Variants in RNF138 observed in about 807,000 individuals in gnomAD.
The protein encoded by RNF138 is ring finger protein 138.
RNF138 carries 12 observed loss-of-function variants against 31.0 expected under a neutral mutation model. The observed-to-expected ratio is 0.39, with a 90% CI of 0.25 to 0.63. The LOEUF (loss-of-function observed/expected upper bound fraction) is 0.63. RNF138 is among the 20% of genes least tolerant of loss of function. The pLI is 0.52. For synonymous variants in RNF138, 105 were observed against 99.5 expected, an observed-to-expected ratio of 1.06 and a Z score of -0.33; for missense variants, 192 against 300.1, an observed-to-expected ratio of 0.64 and a Z score of 2.66.
intron 2 of RNF138, among the ~76,000 whole-genome samples, chr18:32,097,512 G>T (rs1432564709): frequency 6.6e-6 from 1 of 151,516 alleles, no homozygotes; most frequent in African/African-American, 2.4e-5. Flanking sequence ...TTTTGAGACC[G>T]AGTCTCTGTT....
intron 2 of RNF138, among the ~76,000 whole-genome samples, chr18:32,098,818 A>G (rs1031574525): frequency 6.7e-6 from 1 of 148,866 alleles, no homozygotes; most frequent in Non-Finnish European, 1.5e-5. Flanking sequence ...GTGCCACTGC[A>G]CTCCAGCCCG....
chr18:32,123,279 G>A (rs1275057288), intron 4 of RNF138, among the ~76,000 whole-genome samples: 1 of 152,006 alleles, frequency 6.6e-6, no homozygotes, highest in Non-Finnish European at 1.5e-5. Flanking sequence ...ACATAAATAA[G>A]AATCTAGTAA....
At chr18:32,112,995 C>G (rs1408599346) in intron 3 of RNF138, among the ~76,000 whole-genome samples, 1 of 152,240 alleles carries the variant, frequency 6.6e-6, no homozygotes, top group African/African-American at 2.4e-5. Context: ...AGGGCAATGA[C>G]GTGAAGCTGG....
At chr18:32,097,511 C>T (rs964893749) in intron 2 of RNF138, among the ~76,000 whole-genome samples, 4 of 151,516 alleles carry the variant, frequency 2.6e-5, no homozygotes, top group South Asian at 2.1e-4. Context: ...TTTTTGAGAC[C>T]GAGTCTCTGT....
At chr18:32,097,729 G>C (rs1029572622) in intron 2 of RNF138, among the ~76,000 whole-genome samples, 3 of 151,874 alleles carry the variant, frequency 2.0e-5, no homozygotes, top group Non-Finnish European at 2.9e-5. Context: ...CACTATATTG[G>C]CCAGGCTGGT....
chr18:32,113,812 C>T lies in RNF138; in HGVS notation c.344C>T (p.Ser115Phe), dbSNP rs2040171592. ...AAGTATCAGGATGAATATGGTGTTT[C>T]TTCTATCATTCCAAACTTTCAGATC... ...CKKYQDEYGV[S>F]SIIPNFQISQ... The change falls in exon 4 of 8, where the codon TCT becomes TTT. Residue 115 changes from serine (S) to phenylalanine (F), a missense_variant. Physicochemically the swap from Ser to Phe is radical, Grantham distance 155. Transcript: ENST00000261593. The T allele has an allele frequency of 1.9e-6, 3 of 1,568,018 alleles. No homozygotes were observed. Among genetic ancestry groups the T allele is most frequent in the Non-Finnish European group, 2.6e-6 (3 of 1,158,172 alleles).
intron 4 of RNF138, among the ~76,000 whole-genome samples, chr18:32,115,409 G>C (rs1299207099): frequency 6.6e-6 from 1 of 152,050 alleles, no homozygotes; most frequent in Non-Finnish European, 1.5e-5. Flanking sequence ...CCTCTAATCT[G>C]TTTTACATTC....
At chr18:32,125,272 G>T (rs2040366334) in intron 6 of RNF138, 1 of 154,840 alleles carries the variant, frequency 6.5e-6, no homozygotes. Flanking sequence ...TTTTCTTGCA[G>T]CATATAGTAT....
intron 3 of RNF138, among the ~76,000 whole-genome samples, chr18:32,113,339 C>T (rs945042793): frequency 6.7e-5 from 10 of 149,836 alleles, no homozygotes; most frequent in South Asian, 6.4e-4. Flanking sequence ...ATTACAAGCG[C>T]GAGCCACTGC....
intron 4 of RNF138, among the ~76,000 whole-genome samples, chr18:32,118,109 T>C (rs965159269): frequency 2.0e-5 from 3 of 152,246 alleles, no homozygotes; most frequent in Non-Finnish European, 4.4e-5. Flanking sequence ...CAGCAGTCTT[T>C]TATTTTTCCT....
chr18:32,127,322 A>G (rs566181284), intron 7 of RNF138, among the ~76,000 whole-genome samples: 7 of 152,284 alleles, frequency 4.6e-5, no homozygotes, highest in African/African-American at 1.7e-4. Context: ...ATAAAGCAAA[A>G]TGGATTAATT....
At chr18:32,105,978 A>G (rs2040021691) in intron 2 of RNF138, among the ~76,000 whole-genome samples, 1 of 152,184 alleles carries the variant, frequency 6.6e-6, no homozygotes, top group Non-Finnish European at 1.5e-5. Context: ...AAGGTGCCCA[A>G]CATTCATTCT....
rs115873594 is a variant in RNF138 at position 32,112,065 on chromosome 18, A to G, written c.276+146A>G. On this transcript the variant is annotated intron_variant, in intron 3 of 7. Transcript: ENST00000261593. Reference sequence around the variant, plus strand: ...GAATTGGATAGAAAAGGCCAAAAAAAGCTGTGGTCATAGATCTTACTAGAT... The same window carrying G: ...GAATTGGATAGAAAAGGCCAAAAAAGGCTGTGGTCATAGATCTTACTAGAT... 390 of 590,478 alleles carry G rather than the reference A, an allele frequency of 6.6e-4. 3 individuals carry two copies. In the African/African-American group the frequency reaches 6.9e-3, roughly 10 times the overall value. The allele number at this position is 590,478 out of a possible 1,614,324, so 36.6% of individuals were successfully genotyped here.
intron 4 of RNF138, among the ~76,000 whole-genome samples, chr18:32,118,795 A>T (rs2040257181): frequency 6.6e-6 from 1 of 152,034 alleles, no homozygotes; most frequent in Non-Finnish European, 1.5e-5. Context: ...TGCCACTAAC[A>T]CTCCAGCCTG....
chr18:32,130,573 GAA>G lies in RNF138; in HGVS notation c.*1388_*1389del, dbSNP rs1491492386. Reference sequence around the variant, plus strand: ...TTAAAATAACTAGAAGAACATAAAAGAAAGAGAATCTCAGAAGTAGTTTGCTG... The same window carrying G: ...TTAAAATAACTAGAAGAACATAAAAGAGAGAATCTCAGAAGTAGTTTGCTG... On this transcript the variant is annotated 3_prime_UTR_variant, in exon 8 of 8. Coordinates refer to ENST00000261593, the MANE Select transcript of RNF138 (RefSeq NM_016271.5). 1 of 152,032 alleles carries G rather than the reference GAA, an allele frequency of 6.6e-6. No individual in the cohort carries two copies. Among genetic ancestry groups the G allele is most frequent in the African/African-American group, 2.4e-5 (1 of 41,362 alleles). 9.4% of individuals were successfully genotyped at this position (152,032 alleles called of 1,614,324 possible). A position where few individuals can be genotyped will look rare whatever the true frequency, so the allele number is the denominator to read the frequency against.
chr18:32,097,902 G>A (rs4799631), intron 2 of RNF138, among the ~76,000 whole-genome samples: 99,502 of 151,484 alleles, frequency 0.66, 32,930 homozygotes, highest in East Asian at 0.74. Flanking sequence ...ATATGTGTAT[G>A]TATGTGTATT....
At chr18:32,115,034 G>T (rs765808934) in intron 4 of RNF138, among the ~76,000 whole-genome samples, 5 of 151,848 alleles carry the variant, frequency 3.3e-5, no homozygotes, top group Non-Finnish European at 7.4e-5. Flanking sequence ...GTCCTTCTGG[G>T]TTTCTTCATT....
intron 7 of RNF138, among the ~76,000 whole-genome samples, chr18:32,128,088 A>AAAGAG (rs1449268327): frequency 2.0e-5 from 3 of 151,348 alleles, no homozygotes; most frequent in Non-Finnish European, 4.4e-5. Flanking sequence ...TCAAAAAAGA[A>AAAGAG]AAGTAGGTGA....
intron 2 of RNF138, among the ~76,000 whole-genome samples, chr18:32,108,693 C>A (rs1488307233): frequency 2.0e-5 from 3 of 152,026 alleles, no homozygotes; most frequent in Non-Finnish European, 2.9e-5. Flanking sequence ...TAAATAGATG[C>A]AGGGTCTCAC....
Sources: allele counts gnomAD v4.1 joint callset (sites outside exome capture counted in the v4.1 genomes callset), GRCh38; gene constraint gnomAD v4.1.1; transcripts MANE v1.5; gene names NCBI Gene and HGNC (gene_info 2026-07-23, HGNC 2026-07-21).